ZNF273: variants seen among roughly 807,000 people sequenced by gnomAD.
The protein encoded by ZNF273 is zinc finger protein 273.
Under a neutral mutation model 14.9 loss-of-function variants are expected in ZNF273, and 11 were observed. That is an observed-to-expected ratio of 0.74 (90% confidence interval 0.46 to 1.22). The LOEUF is 1.22. Ranked by LOEUF, ZNF273 falls within the 50% of genes most tolerant of loss-of-function variation. The pLI is 0.00. For synonymous variants in ZNF273, 199 were observed against 223.9 expected (o/e 0.89, Z 0.99); for missense variants, 577 against 660.6 (o/e 0.87, Z 1.39).
exon 2 of ZNF273, chr7:64,878,494 G>C (rs79689307): frequency 0.014 from 2,120 of 152,380 alleles, 54 homozygotes; most frequent in African/African-American, 0.048. Flanking sequence ...GGTCCGATAC[G>C]GGTGAGAATA....
At chr7:64,917,396 T>C (rs1794082649) in intron 1 of ZNF273, among the ~76,000 whole-genome samples, 185 bp from the exon 2 acceptor site, 3 of 152,242 alleles carry the variant, frequency 2.0e-5, no homozygotes, top group Admixed American at 2.0e-4. Context: ...ATGCTACTCT[T>C]TTCTCAGAGT....
At chr7:64,924,983 A>G (rs1237176176) in intron 3 of ZNF273, among the ~76,000 whole-genome samples, 1 of 151,464 alleles carries the variant, frequency 6.6e-6, no homozygotes, top group Admixed American at 6.6e-5. Context: ...TTGTATTTTT[A>G]GAAGAGATGG....
intron 1 of ZNF273, among the ~76,000 whole-genome samples, chr7:64,887,068 G>A (rs6460205): frequency 0.42 from 63,209 of 151,762 alleles, 13,427 homozygotes; most frequent in South Asian, 0.45. Context: ...TATGTCCCAA[G>A]GACACTGGGG....
chr7:64,907,214 G>T (rs896273618), intron 1 of ZNF273, among the ~76,000 whole-genome samples: 1 of 152,150 alleles, frequency 6.6e-6, no homozygotes, highest in Non-Finnish European at 1.5e-5. Flanking sequence ...GTCTGTGTTT[G>T]GTTATGTGAT....
intron 1 of ZNF273, among the ~76,000 whole-genome samples, chr7:64,914,173 A>G (rs2902611): frequency 0.33 from 42,032 of 125,894 alleles, 7,827 homozygotes; most frequent in Admixed American, 0.41. Flanking sequence ...ACGTCCTGGT[A>G]ATTTTTGTAT....
At chr7:64,884,996 C>G (rs1791492317) in intron 1 of ZNF273, among the ~76,000 whole-genome samples, 1 of 152,256 alleles carries the variant, frequency 6.6e-6, no homozygotes, top group African/African-American at 2.4e-5. Context: ...CAGCACCTGC[C>G]TCGCGGATTC....
At chr7:64,924,419 AAT>A (rs1226043141) in intron 3 of ZNF273, 1 of 152,150 alleles carries the variant, frequency 6.6e-6, no homozygotes, top group East Asian at 1.9e-4. Flanking sequence ...GGGATATTAA[AAT>A]AGTCTATAAT....
chr7:64,925,684 C>T (rs34045040), intron 3 of ZNF273, among the ~76,000 whole-genome samples: 47,747 of 151,966 alleles, frequency 0.31, 8,534 homozygotes, highest in Non-Finnish European at 0.38. Context: ...GCGATTCACC[C>T]GCCTTGGCCT....
In ZNF273 at chr7:64,887,909, T is replaced by C. The variant is rs141850441; in HGVS notation, n.274-664T>C. On this transcript the variant is annotated intron_variant and non_coding_transcript_variant, in intron 1 of 1. Coordinates refer to the ZNF273 transcript ENST00000471926. The stretch of plus-strand genomic sequence containing the variant: ...GGTGGTCGGGTGGGTCACTGGTTCC[T>C]CACCCTTGTGCGAATCCAGAACTTG... Among the ~76,000 whole-genome samples the C allele has an allele frequency of 3.7e-3, 558 of 152,082 alleles. 4 individuals are homozygous for C. Among genetic ancestry groups the C allele is most frequent in the Non-Finnish European group, 6.3e-3 (425 of 67,962 alleles).
chr7:64,906,757 A>AT (rs1310080002), intron 1 of ZNF273, among the ~76,000 whole-genome samples: 2 of 152,128 alleles, frequency 1.3e-5, no homozygotes, highest in East Asian at 3.9e-4. Flanking sequence ...ATGGAAGGGG[A>AT]TTAGGAAGGT....
Position 64,917,727 on chromosome 7 carries a change from A to G in ZNF273, c.229+20A>G, listed in dbSNP as rs773893508. On this transcript the variant is annotated intron_variant, in intron 2 of 3. Coordinates refer to ENST00000476120, the MANE Select transcript of ZNF273 (RefSeq NM_021148.3). ...TCCTGGGTGAGGATAATTTTAATAC[A>G]TAATTTAAAGGTTTCACTTCTCCTT... 7 of 1,564,036 alleles carry G rather than the reference A, an allele frequency of 4.5e-6. 1 individual carries two copies. The South Asian group carries it at 5.7e-5, about 13-fold the overall frequency.
intron 1 of ZNF273, among the ~76,000 whole-genome samples, chr7:64,910,965 C>T (rs928433478): frequency 2.0e-5 from 3 of 151,488 alleles, no homozygotes; most frequent in African/African-American, 4.9e-5. Flanking sequence ...GGGGTTTCGT[C>T]GTGTTGGCCA....
At chr7:64,933,639 CA>C (rs1795035438), downstream of ZNF273, 1 of 152,144 alleles carries the variant, frequency 6.6e-6, no homozygotes, top group Non-Finnish European at 1.5e-5. Flanking sequence ...GTGATTATGA[CA>C]GATGACAAAA....
intron 1 of ZNF273, among the ~76,000 whole-genome samples, chr7:64,904,750 AG>A (rs1481832866): frequency 6.6e-6 from 1 of 152,172 alleles, no homozygotes; most frequent in Admixed American, 6.5e-5. Context: ...AATATTTCCC[AG>A]GAGAAGAAAG....
chr7:64,880,925 C>T (rs1335495625), downstream of ZNF273, among the ~76,000 whole-genome samples: 1 of 152,202 alleles, frequency 6.6e-6, no homozygotes, highest in Admixed American at 6.5e-5. Context: ...ACTCCTCCAT[C>T]GTCTCGGGAT....
At chr7:64,931,579 C>G (rs1252692129), downstream of ZNF273, among the ~76,000 whole-genome samples, 1 of 151,742 alleles carries the variant, frequency 6.6e-6, no homozygotes, top group Non-Finnish European at 1.5e-5. Flanking sequence ...ATTGGAGAAC[C>G]CTATGTAAGC....
chr7:64,899,477 A>C (rs1792552276), upstream of ZNF273, among the ~76,000 whole-genome samples: 1 of 152,112 alleles, frequency 6.6e-6, no homozygotes, highest in African/African-American at 2.4e-5. Context: ...CAACATGGTG[A>C]AACCCCATTT....
chr7:64,914,365 C>T (rs1793802595), intron 1 of ZNF273, among the ~76,000 whole-genome samples: 1 of 148,280 alleles, frequency 6.7e-6, no homozygotes. Flanking sequence ...AAAAAAAACA[C>T]TATTATTATT....
downstream of ZNF273, chr7:64,933,322 C>G (rs1279888427): frequency 3.3e-5 from 5 of 152,180 alleles, no homozygotes; most frequent in East Asian, 9.6e-4. Flanking sequence ...CAGTCTACAG[C>G]TTTTATTCTT....
Sources: allele counts gnomAD v4.1 joint callset (sites outside exome capture counted in the v4.1 genomes callset), GRCh38; gene constraint gnomAD v4.1.1; transcripts MANE v1.5; gene names NCBI Gene and HGNC (gene_info 2026-07-23, HGNC 2026-07-21).